The following MAGI2 variants were observed in gnomAD, a reference collection of about 807,000 sequenced individuals.
MAGI2 encodes the protein membrane associated guanylate kinase, WW and PDZ domain containing 2, also known as membrane-associated guanylate kinase, WW and PDZ domain-containing protein 2.
In MAGI2, 35 loss-of-function variants were observed where a neutral mutation model predicts 133.3. The ratio of observed to expected loss-of-function variants is 0.26; its 90% CI spans 0.20 to 0.35. The LOEUF is 0.35. Among genes scored for constraint, MAGI2 ranks in the 10% least tolerant of loss-of-function variants. The probability of loss-of-function intolerance (pLI) is 1.00; values close to 1 mark genes in which losing one functional copy is unlikely to be tolerated. For synonymous variants in MAGI2, 729 were observed against 710.6 expected, an observed-to-expected ratio of 1.03 and a Z score of -0.41; for missense variants, 1,636 against 1,863.4, an observed-to-expected ratio of 0.88 and a Z score of 2.25.
intron 21 of MAGI2, among the ~76,000 whole-genome samples, chr7:78,073,708 C>T (rs1424256289): frequency 1.3e-5 from 2 of 152,204 alleles, no homozygotes; most frequent in South Asian, 2.1e-4. Flanking sequence ...TCGTGTTGTA[C>T]TCTTTGAATG....
chr7:79,296,951 A>T (rs1585472019), intron 1 of MAGI2, among the ~76,000 whole-genome samples: 1 of 152,236 alleles, frequency 6.6e-6, no homozygotes, highest in Non-Finnish European at 1.5e-5. Flanking sequence ...CTGATTTGAC[A>T]TTATACAGTG....
intron 1 of MAGI2, among the ~76,000 whole-genome samples, chr7:79,314,444 G>A (rs574883206): frequency 6.6e-6 from 1 of 152,222 alleles, no homozygotes; most frequent in Admixed American, 6.5e-5. Flanking sequence ...CCTATGACCT[G>A]GAAATTTCTC....
intron 1 of MAGI2, among the ~76,000 whole-genome samples, chr7:79,416,581 G>A (rs1215059688): frequency 1.3e-5 from 2 of 151,962 alleles, no homozygotes; most frequent in Non-Finnish European, 2.9e-5. Context: ...TATGATGTCT[G>A]AGATTTGCTT....
At chr7:78,901,607 T>G (rs1360953893) in intron 2 of MAGI2, 1 of 152,068 alleles carries the variant, frequency 6.6e-6, no homozygotes, top group African/African-American at 2.4e-5. Flanking sequence ...ATGGTGAGAA[T>G]CATTGTATGA....
intron 2 of MAGI2, among the ~76,000 whole-genome samples, chr7:78,951,222 T>A (rs1256499086): frequency 6.6e-6 from 1 of 152,118 alleles, no homozygotes; most frequent in Non-Finnish European, 1.5e-5. Flanking sequence ...ATCCACCACC[T>A]TAGCCTTCCA....
intron 9 of MAGI2, among the ~76,000 whole-genome samples, chr7:78,336,354 C>T (rs1789759767): frequency 6.6e-6 from 1 of 152,134 alleles, no homozygotes; most frequent in Non-Finnish European, 1.5e-5. Flanking sequence ...TTCAGAAGCA[C>T]AGATATAGAG....
intron 9 of MAGI2, among the ~76,000 whole-genome samples, chr7:78,292,688 A>G (rs548673171): frequency 2.4e-4 from 36 of 152,240 alleles, no homozygotes; most frequent in Admixed American, 2.4e-3. Context: ...AAACTATTTT[A>G]CAAGGCTACA....
At chr7:78,491,172 C>T (rs1260446503) in intron 5 of MAGI2, among the ~76,000 whole-genome samples, 2 of 152,042 alleles carry the variant, frequency 1.3e-5, no homozygotes, top group Non-Finnish European at 2.9e-5. Flanking sequence ...TTCACCCAGG[C>T]AGTATATTTA....
intron 1 of MAGI2, among the ~76,000 whole-genome samples, chr7:79,092,713 TG>T (rs1817171668): frequency 6.6e-6 from 1 of 152,180 alleles, no homozygotes; most frequent in African/African-American, 2.4e-5. Context: ...TTTTTGGCTT[TG>T]TATACAAATT....
At chr7:78,188,661 A>C (rs1272552635) in intron 12 of MAGI2, among the ~76,000 whole-genome samples, 2 of 152,200 alleles carry the variant, frequency 1.3e-5, no homozygotes, top group African/African-American at 4.8e-5. Context: ...GGACACCAGC[A>C]GTGTTCAAGC....
chr7:78,440,164 A>G (rs1787467916), intron 6 of MAGI2, among the ~76,000 whole-genome samples: 1 of 152,044 alleles, frequency 6.6e-6, no homozygotes, highest in African/African-American at 2.4e-5. Context: ...ATAGATTCTG[A>G]CTATCTGGAT....
intron 1 of MAGI2, among the ~76,000 whole-genome samples, chr7:79,352,539 G>A (rs1463308400): frequency 6.6e-6 from 1 of 152,232 alleles, no homozygotes; most frequent in Non-Finnish European, 1.5e-5. Flanking sequence ...GCAGAAGCAT[G>A]AGGGGGAAGG....
At chr7:79,235,050 G>C (rs944579635) in intron 1 of MAGI2, among the ~76,000 whole-genome samples, 72 of 151,816 alleles carry the variant, frequency 4.7e-4, no homozygotes, top group African/African-American at 1.6e-3. Flanking sequence ...GGAATACCCT[G>C]CCGTGTGAGG....
chr7:78,281,428 T>A (rs928229274), intron 9 of MAGI2, among the ~76,000 whole-genome samples: 1 of 151,824 alleles, frequency 6.6e-6, no homozygotes, highest in African/African-American at 2.4e-5. Flanking sequence ...TAAGGGACTC[T>A]TCCCCGCTTC....
Position 78,882,068 on chromosome 7 carries a change from TAACAAC to T in MAGI2, c.418+125016_418+125021del, listed in dbSNP as rs767269169. 7.1e-4 allele frequency among the ~76,000 whole-genome samples: 21 copies of T among 29,748 alleles called. 3 individuals are homozygous for T. The highest frequency in any genetic ancestry group is 2.1e-3 in the Admixed American group (4 of 1,906). The allele number at this position is 29,748 out of a possible 152,430, so 19.5% of individuals were successfully genotyped here. On this transcript the variant is annotated intron_variant, in intron 2 of 21. Coordinates refer to ENST00000354212, the MANE Select transcript of MAGI2 (RefSeq NM_012301.4). ...AAGACTGACAGACCTCTAGCTAGAT[TAACAAC>T]AACAACAACAACAAAAAAAAAAAAA...
At chr7:78,126,383 A>G (rs1299772654) in intron 19 of MAGI2, among the ~76,000 whole-genome samples, 6 of 152,252 alleles carry the variant, frequency 3.9e-5, no homozygotes, top group African/African-American at 1.4e-4. Context: ...GATCTTCACT[A>G]TTCTTAAAAT....
chr7:79,415,428 C>T (rs17421940), intron 1 of MAGI2: 18,091 of 152,144 alleles, frequency 0.12, 1,159 homozygotes, highest in Middle Eastern at 0.17. Context: ...AGCAGGTATG[C>T]GTTTTCTCAT....
At chr7:78,287,935 T>A (rs923762627) in intron 9 of MAGI2, among the ~76,000 whole-genome samples, 10 of 152,302 alleles carry the variant, frequency 6.6e-5, no homozygotes, top group African/African-American at 2.4e-4. Flanking sequence ...ACTAGTTGTG[T>A]CAAACATCTT....
At chr7:79,280,013 TTTTA>T (rs1835509106) in intron 1 of MAGI2, among the ~76,000 whole-genome samples, 1 of 152,182 alleles carries the variant, frequency 6.6e-6, no homozygotes, top group African/African-American at 2.4e-5. Flanking sequence ...AGGAGGTCTT[TTTTA>T]TTTATTTATT....
Sources: allele counts gnomAD v4.1 joint callset (sites outside exome capture counted in the v4.1 genomes callset), GRCh38; gene constraint gnomAD v4.1.1; transcripts MANE v1.5; gene names NCBI Gene and HGNC (gene_info 2026-07-23, HGNC 2026-07-21).